ESRP1: variants seen among roughly 807,000 people sequenced by gnomAD.
The protein encoded by ESRP1 is RNA-binding motif protein 35A.
Under a neutral mutation model 81.7 loss-of-function variants are expected in ESRP1, and 33 were observed. The observed-to-expected ratio is 0.40, with a 90% CI of 0.31 to 0.54. The LOEUF is 0.54. Among genes scored for constraint, ESRP1 ranks in the 20% least tolerant of loss-of-function variants. The probability of loss-of-function intolerance (pLI) is 0.41; values close to 1 mark genes in which losing one functional copy is unlikely to be tolerated. For synonymous variants in ESRP1, 320 were observed against 303.3 expected, an observed-to-expected ratio of 1.06 and a Z score of -0.57; for missense variants, 672 against 833.1, an observed-to-expected ratio of 0.81 and a Z score of 2.38.
chr8:94,664,098 T>G (rs2130612649), intron 6 of ESRP1, among the ~76,000 whole-genome samples: 1 of 148,770 alleles, frequency 6.7e-6, no homozygotes, highest in East Asian at 2.0e-4. Context: ...GACATGAGGG[T>G]GCCAAGCAAA....
In ESRP1 at chr8:94,692,690, C is replaced by A. The variant is rs1445659950; in HGVS notation, c.1834C>A (p.Pro612Thr). The change falls in exon 14 of 16, where the codon CCT (proline) becomes ACT (threonine). Residue 612 changes from proline (P) to threonine (T), a missense_variant. Coordinates refer to ENST00000433389, the MANE Select transcript of ESRP1 (RefSeq NM_017697.4). The part of the protein sequence containing the change: ...TAYYPSPPGS[P>T]NSLGYFPTAA... ...CTCTCCCTTTAGCCCCCCAGGTTCG[C>A]CTAATAGTCTTGGCTACTTCCCTAC... 1 of 1,613,718 alleles carries A rather than the reference C, an allele frequency of 6.2e-7. No homozygotes were observed. Among genetic ancestry groups the A allele is most frequent in the Non-Finnish European group, 8.5e-7 (1 of 1,179,816 alleles).
Position 94,662,371 on chromosome 8 carries a change from G to T in ESRP1, c.589+1G>T. 1 of 1,567,830 alleles carries T rather than the reference G, an allele frequency of 6.4e-7. No individual in the cohort carries two copies. The highest frequency in any genetic ancestry group is 8.7e-7 in the Non-Finnish European group (1 of 1,152,822). ...TTAGCAATGATTTCAGAGCCTTATAGTAAGTATTGCTTTTATAGTAGTGCA... is the reference window on the plus strand; with the variant it reads ...TTAGCAATGATTTCAGAGCCTTATATTAAGTATTGCTTTTATAGTAGTGCA... On this transcript the variant is annotated splice_donor_variant, in intron 5 of 15. Coordinates refer to ENST00000433389, the MANE Select transcript of ESRP1 (RefSeq NM_017697.4). LOFTEE classifies it high-confidence loss of function.
At chr8:94,655,039 T>C (rs868689601) in intron 4 of ESRP1, among the ~76,000 whole-genome samples, 8 of 149,844 alleles carry the variant, frequency 5.3e-5, no homozygotes, top group Non-Finnish European at 1.2e-4. Context: ...TGTGTGTATC[T>C]GTGTCTGTGA....
At chr8:94,688,287 G>C (rs1367393383) in intron 13 of ESRP1, 1 of 168,872 alleles carries the variant, frequency 5.9e-6, no homozygotes, top group African/African-American at 2.4e-5. Flanking sequence ...GTCAAAACAA[G>C]AGGCAAACAT....
chr8:94,678,221 A>G lies in ESRP1; in HGVS notation c.1670A>G (p.Tyr557Cys), dbSNP rs1278004025. ...TATCTAGGCCTGTCTCCTCCCTCCT[A>G]CACATTTCCAGCTCCTGCTGCAGTT... Reference protein sequence around the residue: ...CKLPCLSPPSYTFPAPAAVIP... With the variant: ...CKLPCLSPPSCTFPAPAAVIP... The change falls in exon 13 of 16, where the codon TAC becomes TGC. Residue 557 changes from tyrosine to cysteine, a missense_variant. Tyr to Cys is a radical substitution (Grantham distance 194). Transcript: ENST00000433389. 1 of 1,613,812 alleles carries G rather than the reference A, an allele frequency of 6.2e-7. No homozygotes were observed. Among genetic ancestry groups the G allele is most frequent in the African/African-American group, 1.3e-5 (1 of 74,886 alleles).
chr8:94,685,797 A>AG (rs912293411), intron 13 of ESRP1, among the ~76,000 whole-genome samples: 11 of 151,604 alleles, frequency 7.3e-5, no homozygotes, highest in African/African-American at 2.4e-4. Flanking sequence ...AAAAAAAAAA[A>AG]CCAACAAAAA....
intron 15 of ESRP1, among the ~76,000 whole-genome samples, chr8:94,702,770 G>C (rs781486051): frequency 3.9e-5 from 6 of 151,950 alleles, no homozygotes; most frequent in African/African-American, 7.3e-5. Context: ...GGTGTGAGCC[G>C]CCACGCCCAG....
intron 13 of ESRP1, among the ~76,000 whole-genome samples, chr8:94,685,023 A>T (rs1402901851): frequency 2.1e-5 from 1 of 48,618 alleles, no homozygotes; most frequent in African/African-American, 8.3e-5. Context: ...GCCTGTCTTT[A>T]AAAAAAAAAA....
In ESRP1 at chr8:94,696,843, G is replaced by T. The variant is rs1358858170; in HGVS notation, c.1972-9G>T. 6.4e-7 allele frequency: 1 copy of T among 1,566,360 alleles called. No homozygotes were observed. The highest frequency in any genetic ancestry group is 8.7e-7 in the Non-Finnish European group (1 of 1,155,886). The stretch of plus-strand genomic sequence containing the variant: ...CTTTTGATCTTGTTTGTTTTAACTT[G>T]CATTTTAGTATGCAACCGAGGATGG... On this transcript the variant is annotated splice_polypyrimidine_tract_variant and intron_variant, in intron 14 of 15. Coordinates refer to ENST00000433389, the MANE Select transcript of ESRP1 (RefSeq NM_017697.4).
intron 12 of ESRP1, among the ~76,000 whole-genome samples, 170 bp downstream of exon 12, chr8:94,674,676 G>A (rs750189475): frequency 2.6e-5 from 4 of 152,142 alleles, no homozygotes; most frequent in East Asian, 1.9e-4. Context: ...GACCTTGGTT[G>A]TGGACACCCA....
chr8:94,695,225 G>T (rs1397198610), intron 14 of ESRP1, among the ~76,000 whole-genome samples: 1 of 151,512 alleles, frequency 6.6e-6, no homozygotes, highest in East Asian at 1.9e-4. Context: ...ATTGGCTGTT[G>T]CTGGCTTAAT....
chr8:94,674,630 C>G, intron 12 of ESRP1, 124 bp downstream of exon 12: 2 of 783,962 alleles, frequency 2.6e-6, no homozygotes, highest in South Asian at 2.0e-5. Context: ...ATAAGGCTCT[C>G]CCATCTGTAA....
chr8:94,700,985 T>G (rs935724151), intron 15 of ESRP1, among the ~76,000 whole-genome samples: 5 of 134,354 alleles, frequency 3.7e-5, no homozygotes, highest in Non-Finnish European at 6.2e-5. Flanking sequence ...GTGTGTGTGT[T>G]AAGAGGGCCG....
intron 14 of ESRP1, among the ~76,000 whole-genome samples, chr8:94,693,452 T>C (rs1809481913): frequency 6.6e-6 from 1 of 152,228 alleles, no homozygotes; most frequent in Non-Finnish European, 1.5e-5. Flanking sequence ...AAGAATGAGA[T>C]GATTTTTAGT....
chr8:94,658,100 CAGG>C (rs1192591004), intron 4 of ESRP1, among the ~76,000 whole-genome samples: 1 of 152,166 alleles, frequency 6.6e-6, no homozygotes, highest in Non-Finnish European at 1.5e-5. Context: ...TTAGTCGAGA[CAGG>C]AGTTCACCAT....
chr8:94,667,957 A>G lies in ESRP1; in HGVS notation c.940A>G (p.Asn314Asp). 6.3e-7 allele frequency: 1 copy of G among 1,585,132 alleles called. No individual in the cohort carries two copies. Among genetic ancestry groups the G allele is most frequent in the Non-Finnish European group, 8.6e-7 (1 of 1,164,810 alleles). The change falls in exon 10 of 16, where the codon AAT (asparagine) becomes GAT (aspartate). Residue 314 changes from asparagine (N) to aspartate (D), a missense_variant. Physicochemically the swap from Asn to Asp is conservative, Grantham distance 23. Transcript: ENST00000433389. The stretch of plus-strand genomic sequence containing the variant: ...ATATTTGTTTTCCCTAGGTACTTCC[A>G]ATGAGGTAGCCCAGTTTCTCTCCAA... The part of the protein sequence containing the change: ...DFLKIAGGTS[N>D]EVAQFLSKEN...
chr8:94,660,661 G>A (rs562399485), intron 4 of ESRP1, among the ~76,000 whole-genome samples: 9 of 129,434 alleles, frequency 7.0e-5, no homozygotes, highest in African/African-American at 2.3e-4. Context: ...GCAGTGAGCT[G>A]AGGTTGTGCC....
intron 3 of ESRP1, among the ~76,000 whole-genome samples, chr8:94,645,917 A>G (rs927120946): frequency 1.3e-5 from 2 of 152,196 alleles, no homozygotes; most frequent in Admixed American, 6.5e-5. Context: ...ATTGTTTTGA[A>G]TGGAATGCAT....
chr8:94,700,984 T>TGTG (rs1491584337), intron 15 of ESRP1, among the ~76,000 whole-genome samples: 2 of 138,832 alleles, frequency 1.4e-5, no homozygotes, highest in African/African-American at 5.6e-5. Context: ...TGTGTGTGTG[T>TGTG]TAAGAGGGCC....
Sources: gnomAD v4.1 joint callset for allele counts (sites outside exome capture counted in the v4.1 genomes callset) on GRCh38, gnomAD v4.1.1 for gene constraint, MANE v1.5 for transcripts, NCBI Gene and HGNC (gene_info 2026-07-23, HGNC 2026-07-21) for gene names.